BRCC3: variants seen among roughly 807,000 people sequenced by gnomAD.
The protein encoded by BRCC3 is BRCA1/BRCA2-containing complex subunit 3, also known as lys-63-specific deubiquitinase BRCC36.
Under a neutral mutation model 28.0 loss-of-function variants are expected in BRCC3, and 15 were observed. The ratio of observed to expected loss-of-function variants is 0.54; its 90% CI spans 0.36 to 0.82. BRCC3 has a LOEUF of 0.82. BRCC3 is among the 40% of genes least tolerant of loss of function. The pLI, the probability that BRCC3 is intolerant of heterozygous loss-of-function variation, is 0.01. For missense variants in BRCC3, 109 were observed against 225.9 expected (o/e 0.48, Z 3.32); for synonymous variants, 66 against 80.3 (o/e 0.82, Z 0.95).
intron 2 of BRCC3, among the ~76,000 whole-genome samples, chrX:155,073,066 T>G (rs1323104938): frequency 8.9e-6 from 1 of 111,942 alleles, no homozygotes; most frequent in African/African-American, 3.3e-5. Context: ...TGGTGAAACC[T>G]TTCGGTAACA....
chrX:155,092,590 T>C (rs1557295793), intron 7 of BRCC3, among the ~76,000 whole-genome samples: 1 of 111,403 alleles, frequency 9.0e-6, no homozygotes, highest in African/African-American at 3.3e-5. Flanking sequence ...AGTGGCTTTT[T>C]CCCCTTATTT....
rs1557292911 is a variant in BRCC3, at chrX:155,073,380, T to G, written c.144T>G (p.Ser48Arg). The change falls in exon 3 of 11, where the codon AGT becomes AGG. Residue 48 changes from serine to arginine, a missense_variant. Ser to Arg is a moderately radical substitution (Grantham distance 110). Transcript: ENST00000330045. ...TTTTCTAATTTATTCCCAGTAGGAG[T>G]GACTCCAAATTTGCATATACTGGAA... ...CIGELNDDTR[S>R]DSKFAYTGTE... 2 of 1,164,182 alleles carry G rather than the reference T, an allele frequency of 1.7e-6. No individual in the cohort carries two copies. The highest frequency in any genetic ancestry group is 3.8e-5 in the South Asian group (2 of 52,402).
At chrX:155,102,430 A>T (rs5987094) in intron 7 of BRCC3, among the ~76,000 whole-genome samples, 39,160 of 111,043 alleles carry the variant, frequency 0.35, 5,670 homozygotes, top group African/African-American at 0.55. Flanking sequence ...ATATTGAGTT[A>T]ATATCCTACA....
intron 7 of BRCC3, among the ~76,000 whole-genome samples, chrX:155,106,408 A>G (rs2074285287): frequency 8.9e-6 from 1 of 112,121 alleles, no homozygotes; most frequent in South Asian, 3.6e-4. Context: ...CCAGATAAGT[A>G]TCACACTCCA....
At chrX:155,099,395 A>C in intron 7 of BRCC3, 1 of 1,206,554 alleles carries the variant, frequency 8.3e-7, no homozygotes, top group Non-Finnish European at 1.1e-6. Context: ...GAAAGGTAGG[A>C]GGGCAAAAAG....
At chrX:155,078,010 C>G (rs782486314) in intron 4 of BRCC3, among the ~76,000 whole-genome samples, 3 of 112,158 alleles carry the variant, frequency 2.7e-5, no homozygotes, top group Non-Finnish European at 5.6e-5. Context: ...ACTTCAGCTG[C>G]AATTACTATT....
At chrX:155,114,938 A>G (rs781847938) in intron 7 of BRCC3, among the ~76,000 whole-genome samples, 1 of 112,036 alleles carries the variant, frequency 8.9e-6, no homozygotes, top group East Asian at 2.8e-4. Flanking sequence ...GAACATAAGC[A>G]AACTAAAATA....
chrX:155,078,717 G>A lies in BRCC3; in HGVS notation c.403+14G>A, dbSNP rs782297234. The A allele has an allele frequency of 9.1e-7, 1 of 1,099,108 alleles. No individual in the cohort carries two copies. Among genetic ancestry groups the A allele is most frequent in the East Asian group, 3.1e-5 (1 of 32,039 alleles). The allele number at this position is 1,099,108 out of a possible 1,213,427, so 90.6% of individuals were successfully genotyped here. On this transcript the variant is annotated intron_variant, in intron 5 of 10. Transcript: ENST00000330045. ...CTTCACATGTTGGTAAGTATCATGG[G>A]GTTGCAATGTTTATTGTTTTCAGAA...
In BRCC3 at chrX:155,107,159, T is replaced by G. The variant is rs782097332; in HGVS notation, c.549-8898T>G. Among the ~76,000 whole-genome samples the G allele has an allele frequency of 1.2e-4, 13 of 111,226 alleles. 1 individual carries two copies. The South Asian group carries it at 3.7e-3, about 32-fold the overall frequency. ...TATTATTTCCTTCCTTATGTTTCAT[T>G]TTGGTCATTTTGTTGTGCTTATCTT... On this transcript the variant is annotated intron_variant, in intron 7 of 10. Transcript: ENST00000330045.
intron 7 of BRCC3, among the ~76,000 whole-genome samples, chrX:155,101,272 G>T (rs910086219): frequency 9.0e-6 from 1 of 111,392 alleles, no homozygotes; most frequent in South Asian, 3.8e-4. Flanking sequence ...GGAGGATGAG[G>T]TTATATGCAA....
chrX:155,112,884 C>A (rs1325321822), intron 7 of BRCC3, among the ~76,000 whole-genome samples: 1 of 111,534 alleles, frequency 9.0e-6, no homozygotes, highest in Non-Finnish European at 1.9e-5. Context: ...TAGAAAATCT[C>A]ATTTACAATA....
intron 7 of BRCC3, among the ~76,000 whole-genome samples, chrX:155,105,487 A>T (rs1324530168): frequency 2.7e-5 from 3 of 111,490 alleles, no homozygotes; most frequent in South Asian, 3.8e-4. Context: ...AATAATAATT[A>T]AAAAAAAGCT....
intron 7 of BRCC3, among the ~76,000 whole-genome samples, chrX:155,107,222 G>A (rs2074290323): frequency 9.1e-6 from 1 of 109,849 alleles, no homozygotes; most frequent in Non-Finnish European, 1.9e-5. Flanking sequence ...TATATTTTTT[G>A]TCTTTCATTA....
chrX:155,091,891 G>A (rs1557295728), intron 7 of BRCC3, among the ~76,000 whole-genome samples: 1 of 110,827 alleles, frequency 9.0e-6, no homozygotes. Flanking sequence ...AGTAAGCTAT[G>A]ATTTGTGTAA....
In BRCC3 at chrX:155,073,369, C is replaced by G. The variant is rs1557292908; in HGVS notation, c.141-8C>G. On this transcript the variant is annotated splice_region_variant and splice_polypyrimidine_tract_variant and intron_variant, in intron 2 of 10. Coordinates refer to ENST00000330045, the MANE Select transcript of BRCC3 (RefSeq NM_001018055.3). ...TTCCTTTTTTTTTTTCTAATTTATTCCCAGTAGGAGTGACTCCAAATTTGC... is the reference window on the plus strand; with the variant it reads ...TTCCTTTTTTTTTTTCTAATTTATTGCCAGTAGGAGTGACTCCAAATTTGC... 3 of 1,153,750 alleles carry G rather than the reference C, an allele frequency of 2.6e-6. No homozygotes were observed. The highest frequency in any genetic ancestry group is 3.5e-6 in the Non-Finnish European group (3 of 865,885).
intron 7 of BRCC3, among the ~76,000 whole-genome samples, chrX:155,093,111 A>G (rs1240895450): frequency 1.8e-5 from 2 of 110,489 alleles, no homozygotes; most frequent in Non-Finnish European, 3.8e-5. Flanking sequence ...GAAATTTTCT[A>G]TGATTTTCTA....
At chrX:155,111,124 G>A (rs1222539536) in intron 7 of BRCC3, among the ~76,000 whole-genome samples, 2 of 111,240 alleles carry the variant, frequency 1.8e-5, no homozygotes, top group Non-Finnish European at 1.9e-5. Context: ...CAAGCTATCA[G>A]TCACAAAAAT....
At chrX:155,071,752 C>T (rs1244319611) in intron 1 of BRCC3, 102 bp downstream of exon 1, 6 of 974,081 alleles carry the variant, frequency 6.2e-6, no homozygotes, top group East Asian at 6.8e-5. Flanking sequence ...CCACAGGCAT[C>T]CTCGATTTAG....
Position 155,078,681 on chromosome X carries a change from A to C in BRCC3, c.381A>C (p.Ile127=), listed in dbSNP as rs1557293895. ...GCTGGTATCATTCCCATCCTCATAT[A>C]ACTGTTTGGCCTTCACATGTTGGTA... ...VVGWYHSHPH[I]TVWPSHVDVR... is the part of the protein sequence containing the mutation. The change falls in exon 5 of 11, where the codon ATA becomes ATC. Residue 127 remains isoleucine (I), a synonymous_variant. Coordinates refer to ENST00000330045, the MANE Select transcript of BRCC3 (RefSeq NM_001018055.3). The C allele has an allele frequency of 8.4e-7, 1 of 1,194,031 alleles. No homozygotes were observed. Among genetic ancestry groups the C allele is most frequent in the Admixed American group, 2.2e-5 (1 of 44,519 alleles).
Sources: gnomAD v4.1 joint callset for allele counts (sites outside exome capture counted in the v4.1 genomes callset) on GRCh38, gnomAD v4.1.1 for gene constraint, MANE v1.5 for transcripts, NCBI Gene and HGNC (gene_info 2026-07-23, HGNC 2026-07-21) for gene names.